The following UBR1 variants were observed in gnomAD, a reference collection of about 807,000 sequenced individuals.
UBR1 encodes the protein E3 ubiquitin-protein ligase UBR1.
In UBR1, 102 loss-of-function variants were observed where a neutral mutation model predicts 242.1. That is an observed-to-expected ratio of 0.42 (90% confidence interval 0.36 to 0.50). The LOEUF (loss-of-function observed/expected upper bound fraction) is 0.50. Among genes scored for constraint, UBR1 ranks in the 20% least tolerant of loss-of-function variants. The probability of loss-of-function intolerance (pLI) is 0.01; values close to 1 mark genes in which losing one functional copy is unlikely to be tolerated. For missense variants in UBR1, 1,772 were observed against 2,101.8 expected (o/e 0.84, Z 3.07); for synonymous variants, 675 against 684.8 (o/e 0.99, Z 0.22).
intron 4 of UBR1, among the ~76,000 whole-genome samples, chr15:43,072,402 G>A (rs114968171): frequency 0.011 from 1,669 of 152,270 alleles, 28 homozygotes; most frequent in African/African-American, 0.037. Flanking sequence ...TTTTATGGCC[G>A]AAGATGTGTA....
chr15:43,047,010 C>T, intron 14 of UBR1, 151 bp downstream of exon 14: 1 of 949,924 alleles, frequency 1.1e-6, no homozygotes, highest in Non-Finnish European at 1.5e-6. Context: ...ATACAGTTTC[C>T]CCCTAAATTT....
At chr15:43,081,714 C>T (rs2033976817) in intron 3 of UBR1, among the ~76,000 whole-genome samples, 1 of 151,896 alleles carries the variant, frequency 6.6e-6, no homozygotes. Context: ...TTAGCACTGG[C>T]CTTTTTTTAA....
intron 42 of UBR1, 134 bp from the exon 43 acceptor site, chr15:42,960,835 T>C (rs1457387333): frequency 1.1e-6 from 1 of 885,540 alleles, no homozygotes; most frequent in African/African-American, 1.7e-5. Flanking sequence ...GTGGCAGCAA[T>C]CTCGGCTCAC....
chr15:43,028,428 A>G (rs997449126), intron 21 of UBR1, among the ~76,000 whole-genome samples: 1 of 152,132 alleles, frequency 6.6e-6, no homozygotes, highest in South Asian at 2.1e-4. Flanking sequence ...GCTTGTAAAG[A>G]TAAGAAAGGT....
chr15:42,976,642 C>A, intron 39 of UBR1, 75 bp downstream of exon 39: 30 of 1,537,084 alleles, frequency 2.0e-5, no homozygotes, highest in Non-Finnish European at 2.7e-5. Flanking sequence ...ATTATATAAT[C>A]ACAAGAATAA....
intron 4 of UBR1, among the ~76,000 whole-genome samples, chr15:43,073,110 G>C (rs566707544): frequency 6.6e-5 from 10 of 151,742 alleles, no homozygotes; most frequent in African/African-American, 2.2e-4. Context: ...ACAATGAGCC[G>C]AGATCATACC....
In UBR1 at chr15:43,043,456, T is replaced by G. The variant is rs2033445173; in HGVS notation, c.1669-61A>C. 4 of 1,546,546 alleles carry G rather than the reference T, an allele frequency of 2.6e-6. No homozygotes were observed. In the East Asian group the frequency reaches 9.0e-5, roughly 35 times the overall value. On this transcript the variant is annotated intron_variant, in intron 14 of 46. Transcript: ENST00000290650. The stretch of plus-strand genomic sequence containing the variant: ...TTTCTACTTTAACACTTTTTTTGTT[T>G]TGTTTTGAGACAGCCTGTCCTGTGG...
intron 21 of UBR1, among the ~76,000 whole-genome samples, chr15:43,028,774 C>A (rs970915985): frequency 1.2e-3 from 182 of 147,536 alleles, no homozygotes; most frequent in Admixed American, 2.0e-3. Flanking sequence ...CAAACAACAA[C>A]AAAAAAATAT....
chr15:43,035,688 A>G (rs573770254), intron 19 of UBR1, among the ~76,000 whole-genome samples: 1 of 149,410 alleles, frequency 6.7e-6, no homozygotes, highest in African/African-American at 2.5e-5. Context: ...TGTTTTGGAC[A>G]TGAAGTCCTT....
At chr15:43,059,243 T>G in intron 8 of UBR1, 51 bp from the exon 9 acceptor site, 2 of 1,531,514 alleles carry the variant, frequency 1.3e-6, no homozygotes, top group Non-Finnish European at 1.8e-6. Context: ...CTTTTTCTTT[T>G]TAAATAGAGA....
intron 42 of UBR1, among the ~76,000 whole-genome samples, chr15:42,962,221 A>C (rs1023199367): frequency 6.6e-6 from 1 of 152,196 alleles, no homozygotes; most frequent in Non-Finnish European, 1.5e-5. Flanking sequence ...TAAACAAGAG[A>C]GAATTTAACA....
intron 25 of UBR1, among the ~76,000 whole-genome samples, chr15:43,024,561 A>C (rs531195830): frequency 3.3e-5 from 5 of 152,218 alleles, no homozygotes; most frequent in African/African-American, 4.8e-5. Flanking sequence ...AAAAATCATG[A>C]CACAATAACA....
chr15:43,082,386 A>G (rs1456908359), intron 3 of UBR1, among the ~76,000 whole-genome samples: 2 of 152,226 alleles, frequency 1.3e-5, no homozygotes, highest in Admixed American at 6.5e-5. Context: ...GTTGTTATGG[A>G]CTATTCTGCA....
chr15:43,006,155 G>T (rs1399497232), intron 30 of UBR1, among the ~76,000 whole-genome samples: 1 of 151,230 alleles, frequency 6.6e-6, no homozygotes, highest in Non-Finnish European at 1.5e-5. Context: ...TTCAAATTCT[G>T]GTTTCATCAC....
chr15:43,038,535 A>C, intron 15 of UBR1, among the ~76,000 whole-genome samples: 1 of 152,172 alleles, frequency 6.6e-6, no homozygotes, highest in Non-Finnish European at 1.5e-5. Context: ...CGGAAGTTGC[A>C]GTGAGCCAAG....
intron 33 of UBR1, among the ~76,000 whole-genome samples, chr15:42,993,383 A>G (rs1301105306): frequency 6.6e-6 from 1 of 151,036 alleles, no homozygotes; most frequent in Non-Finnish European, 1.5e-5. Context: ...TTTTTTTTAA[A>G]GACAGAGTCT....
chr15:42,964,856 A>C (rs2032080165), intron 41 of UBR1, among the ~76,000 whole-genome samples: 1 of 152,228 alleles, frequency 6.6e-6, no homozygotes, highest in African/African-American at 2.4e-5. Context: ...GTCTCCTCAC[A>C]GAGAAGCATT....
intron 42 of UBR1, among the ~76,000 whole-genome samples, chr15:42,962,580 C>G (rs2032040969): frequency 6.6e-6 from 1 of 152,090 alleles, no homozygotes; most frequent in African/African-American, 2.4e-5. Flanking sequence ...ACCTCCGCCT[C>G]CTGGGTTCCA....
chr15:43,093,038 G>GA lies in UBR1; in HGVS notation c.82-6799dup, dbSNP rs573458511. On this transcript the variant is annotated intron_variant, in intron 1 of 46. Transcript: ENST00000290650. Reference sequence around the variant, plus strand: ...AAGAATTTTTAAGTACCAAGTCCAGGAAAAAAAAAATAACTGTTTGAAATT... The same window carrying GA: ...AAGAATTTTTAAGTACCAAGTCCAGGAAAAAAAAAAATAACTGTTTGAAATT... Among the ~76,000 whole-genome samples the GA allele has an allele frequency of 2.0e-3, 289 of 148,026 alleles. 1 individual carries two copies. In the Middle Eastern group the frequency reaches 0.028, roughly 14 times the overall value.
Sources: allele counts gnomAD v4.1 joint callset (sites outside exome capture counted in the v4.1 genomes callset), GRCh38; gene constraint gnomAD v4.1.1; transcripts MANE v1.5; gene names NCBI Gene and HGNC (gene_info 2026-07-23, HGNC 2026-07-21).